PDZD2: variants seen among roughly 807,000 people sequenced by gnomAD.
PDZD2 encodes the protein PDZ domain-containing protein 2.
PDZD2 carries 90 observed loss-of-function variants against 220.7 expected under a neutral mutation model. The ratio of observed to expected loss-of-function variants is 0.41; its 90% CI spans 0.34 to 0.49. PDZD2 has a LOEUF of 0.49. PDZD2 is among the 20% of genes least tolerant of loss of function. The pLI, the probability that PDZD2 is intolerant of heterozygous loss-of-function variation, is 0.28. For missense variants in PDZD2, 3,174 were observed against 3,608.5 expected (o/e 0.88, Z 3.08); for synonymous variants, 1,375 against 1,450.5 (o/e 0.95, Z 1.18).
At chr5:31,979,015 G>C (rs775062142) in intron 2 of PDZD2, among the ~76,000 whole-genome samples, 14 of 152,118 alleles carry the variant, frequency 9.2e-5, no homozygotes, top group Non-Finnish European at 1.6e-4. Context: ...CTCAGTCACA[G>C]GCACCTTCCA....
intron 2 of PDZD2, among the ~76,000 whole-genome samples, chr5:31,891,143 T>C (rs1195015570): frequency 1.4e-5 from 2 of 140,846 alleles, no homozygotes; most frequent in Non-Finnish European, 3.1e-5. Context: ...TTTTTTTTTT[T>C]TTTTTTTTTT....
chr5:31,897,174 A>C (rs188688268), intron 2 of PDZD2, among the ~76,000 whole-genome samples: 2 of 152,286 alleles, frequency 1.3e-5, no homozygotes, highest in Non-Finnish European at 2.9e-5. Flanking sequence ...TTATATTTAA[A>C]AATACTTTTT....
At position 32,025,744 on chromosome 5, in the gene PDZD2, G is replaced by A. The variant is rs139207966; in HGVS notation, c.1408-11487G>A. ...GCCTCCCTAGTAGCTGGGATTACAGGTGCCCTCCACAATGCCCAGCTAATT... is the reference window on the plus strand; with the variant it reads ...GCCTCCCTAGTAGCTGGGATTACAGATGCCCTCCACAATGCCCAGCTAATT... On this transcript the variant is annotated intron_variant, in intron 6 of 24. Transcript: ENST00000438447. Among the ~76,000 whole-genome samples, 454 of 151,076 alleles carry A rather than the reference G, an allele frequency of 3.0e-3. 5 individuals carry two copies. Among genetic ancestry groups the A allele is most frequent in the Middle Eastern group, 6.8e-3 (2 of 292 alleles).
At chr5:31,970,211 C>T (rs1354257521) in intron 2 of PDZD2, among the ~76,000 whole-genome samples, 1 of 151,966 alleles carries the variant, frequency 6.6e-6, no homozygotes, top group Non-Finnish European at 1.5e-5. Context: ...AATAGTTTTA[C>T]AAAGGGCAAA....
chr5:31,836,806 G>A (rs903408104), intron 2 of PDZD2, among the ~76,000 whole-genome samples: 2 of 152,012 alleles, frequency 1.3e-5, no homozygotes, highest in African/African-American at 4.8e-5. Context: ...ATCACCTGAG[G>A]TCAGGAGTTC....
chr5:32,013,765 C>G (rs576778907), intron 6 of PDZD2, among the ~76,000 whole-genome samples: 47 of 152,174 alleles, frequency 3.1e-4, no homozygotes, highest in Non-Finnish European at 4.9e-4. Context: ...GTGCACCAGA[C>G]GGGACACCAC....
At chr5:31,891,540 C>T (rs183787033) in intron 2 of PDZD2, among the ~76,000 whole-genome samples, 1 of 152,270 alleles carries the variant, frequency 6.6e-6, no homozygotes, top group East Asian at 1.9e-4. Flanking sequence ...ATCTCGAACT[C>T]CTGATCTCAG....
At chr5:31,810,897 C>G (rs911369651) in intron 2 of PDZD2, among the ~76,000 whole-genome samples, 3 of 152,208 alleles carry the variant, frequency 2.0e-5, no homozygotes, top group African/African-American at 7.2e-5. Context: ...TCATGGGATT[C>G]TTCTTTGAGA....
chr5:31,697,044 G>A (rs890768164), intron 1 of PDZD2, among the ~76,000 whole-genome samples: 16 of 152,208 alleles, frequency 1.1e-4, no homozygotes, highest in African/African-American at 3.6e-4. Flanking sequence ...GGCATAACTC[G>A]CCTGGGGGCC....
At chr5:31,923,882 TTATTCCCCTG>T (rs1744510811) in intron 2 of PDZD2, among the ~76,000 whole-genome samples, 1 of 152,130 alleles carries the variant, frequency 6.6e-6, no homozygotes, top group Non-Finnish European at 1.5e-5. Context: ...AGCTTCAAGC[TTATTCCCCTG>T]TCAAATGAGA....
intron 2 of PDZD2, among the ~76,000 whole-genome samples, chr5:31,883,704 C>T (rs1011837762): frequency 1.3e-5 from 2 of 151,550 alleles, no homozygotes; most frequent in African/African-American, 2.4e-5. Context: ...TTGCAACTTC[C>T]ACCTCTCATG....
chr5:31,747,759 C>A (rs1457586149), intron 1 of PDZD2: 1 of 152,412 alleles, frequency 6.6e-6, no homozygotes, highest in Non-Finnish European at 1.5e-5. Flanking sequence ...CCTTCCCACT[C>A]CCTGTGGTGT....
At chr5:31,760,241 C>T (rs73749660) in intron 1 of PDZD2, among the ~76,000 whole-genome samples, 10,137 of 152,250 alleles carry the variant, frequency 0.067, 1,132 homozygotes, top group African/African-American at 0.23. Context: ...GCATGATTCT[C>T]AGGAAATGTG....
chr5:31,798,292 C>T (rs952910604), intron 1 of PDZD2, among the ~76,000 whole-genome samples: 1 of 152,188 alleles, frequency 6.6e-6, no homozygotes, highest in Non-Finnish European at 1.5e-5. Flanking sequence ...AGAGATGATA[C>T]TAAAACCTGG....
At chr5:31,732,129 A>AC (rs976999085) in intron 1 of PDZD2, among the ~76,000 whole-genome samples, 11 of 152,158 alleles carry the variant, frequency 7.2e-5, no homozygotes, top group African/African-American at 2.7e-4. Context: ...GGGGCGCCTT[A>AC]CCTCCCAAGC....
chr5:31,835,720 C>A (rs1210289451), intron 2 of PDZD2, among the ~76,000 whole-genome samples: 1 of 152,098 alleles, frequency 6.6e-6, no homozygotes, highest in Non-Finnish European at 1.5e-5. Flanking sequence ...TCTTCTCAGT[C>A]TTGATTTCTA....
chr5:31,956,778 A>AAAAAAAAG, intron 2 of PDZD2, among the ~76,000 whole-genome samples: 1 of 148,024 alleles, frequency 6.8e-6, no homozygotes, highest in African/African-American at 2.4e-5. Context: ...AAAAAAAAAA[A>AAAAAAAAG]AAAAAAAGGG....
intron 2 of PDZD2, among the ~76,000 whole-genome samples, chr5:31,902,194 T>C (rs1742164612): frequency 6.6e-6 from 1 of 152,220 alleles, no homozygotes; most frequent in Non-Finnish European, 1.5e-5. Flanking sequence ...AATTTTACAT[T>C]CCTACCAACA....
chr5:31,723,852 A>C (rs1748949923), intron 1 of PDZD2, among the ~76,000 whole-genome samples: 1 of 152,112 alleles, frequency 6.6e-6, no homozygotes. Context: ...TCCTGATCTC[A>C]GGCGATCCGC....
Sources: gnomAD v4.1 joint callset for allele counts (sites outside exome capture counted in the v4.1 genomes callset) on GRCh38, gnomAD v4.1.1 for gene constraint, MANE v1.5 for transcripts, NCBI Gene and HGNC (gene_info 2026-07-23, HGNC 2026-07-21) for gene names.